Variants in SIL1 observed in about 807,000 individuals in gnomAD.
SIL1 encodes nucleotide exchange factor SIL1.
In SIL1, 40 loss-of-function variants were observed where a neutral mutation model predicts 49.1. The observed-to-expected ratio is 0.81, with a 90% CI of 0.63 to 1.06. SIL1 has a LOEUF of 1.06. SIL1 is among the 50% of genes least tolerant of loss of function. The pLI, the probability that SIL1 is intolerant of heterozygous loss-of-function variation, is 0.00. For synonymous variants in SIL1, 253 were observed against 250.8 expected, an observed-to-expected ratio of 1.01 and a Z score of -0.08; for missense variants, 500 against 572.6, an observed-to-expected ratio of 0.87 and a Z score of 1.29.
chr5:139,153,287 G>C (rs548997869), intron 1 of SIL1, among the ~76,000 whole-genome samples: 1 of 152,038 alleles, frequency 6.6e-6, no homozygotes, highest in African/African-American at 2.4e-5. Flanking sequence ...CTTCCGCTTT[G>C]AGGCCTTCCC....
intron 7 of SIL1, among the ~76,000 whole-genome samples, chr5:138,983,588 G>A (rs1767581038): frequency 6.6e-6 from 1 of 151,608 alleles, no homozygotes. Context: ...GGGAGGCAGA[G>A]AAAGGACAGG....
At chr5:139,076,072 G>A (rs1769942921) in intron 3 of SIL1, among the ~76,000 whole-genome samples, 3 of 152,226 alleles carry the variant, frequency 2.0e-5, no homozygotes, top group Non-Finnish European at 2.9e-5. Flanking sequence ...GTTGCTTAAA[G>A]TGACATAAGG....
At chr5:139,127,191 A>G (rs575465796) in intron 2 of SIL1, among the ~76,000 whole-genome samples, 1 of 152,358 alleles carries the variant, frequency 6.6e-6, no homozygotes, top group Non-Finnish European at 1.5e-5. Context: ...GAAGGAGGAT[A>G]CAGAGATGGA....
intron 1 of SIL1, among the ~76,000 whole-genome samples, chr5:139,168,725 T>C (rs1033879451): frequency 2.6e-5 from 4 of 151,968 alleles, no homozygotes; most frequent in Admixed American, 1.3e-4. Context: ...GTAATCCCAG[T>C]ATAGGAGGCC....
At chr5:139,171,707 T>G (rs567854104) in intron 1 of SIL1, among the ~76,000 whole-genome samples, 12 of 106,096 alleles carry the variant, frequency 1.1e-4, no homozygotes, top group East Asian at 2.6e-4. Flanking sequence ...TAAAAAAAAA[T>G]AAAAAGAAAA....
At chr5:139,169,751 G>T (rs1339503529) in intron 1 of SIL1, among the ~76,000 whole-genome samples, 7 of 151,824 alleles carry the variant, frequency 4.6e-5, no homozygotes, top group Non-Finnish European at 1.0e-4. Context: ...AAAGTGCTGG[G>T]ATTACAGGCG....
rs67544778 is a variant in SIL1 at position 139,057,314 on chromosome 5, TA to T, written c.245-6269del. On this transcript the variant is annotated intron_variant, in intron 3 of 9. Coordinates refer to ENST00000394817, the MANE Select transcript of SIL1 (RefSeq NM_022464.5). ...GCGAGAAACACCCAAGAATGATCAA[TA>T]AAAAAAAAAAAAAGAAAAGAAAAGA... 2.2e-3 allele frequency among the ~76,000 whole-genome samples: 162 copies of T among 73,238 alleles called. 1 individual carries two copies. Among genetic ancestry groups the T allele is most frequent in the Non-Finnish European group, 1.9e-3 (68 of 35,712 alleles). 48.0% of individuals were successfully genotyped at this position (73,238 alleles called of 152,430 possible).
chr5:139,066,976 G>A (rs759479430), intron 3 of SIL1, among the ~76,000 whole-genome samples: 1 of 152,160 alleles, frequency 6.6e-6, no homozygotes, highest in Non-Finnish European at 1.5e-5. Flanking sequence ...TATAATACTT[G>A]CCAAGTTTTC....
intron 7 of SIL1, among the ~76,000 whole-genome samples, chr5:139,019,563 C>G (rs997833891): frequency 6.6e-5 from 10 of 152,154 alleles, no homozygotes; most frequent in Non-Finnish European, 1.5e-5. Context: ...TAAATGTTAA[C>G]ATGGTCTTAA....
intron 3 of SIL1, among the ~76,000 whole-genome samples, chr5:139,055,103 T>C (rs1769376807): frequency 6.6e-6 from 1 of 152,182 alleles, no homozygotes; most frequent in Non-Finnish European, 1.5e-5. Context: ...AAATAATGTC[T>C]GGATCCAGGA....
At chr5:139,010,470 G>C (rs1157969467) in intron 7 of SIL1, among the ~76,000 whole-genome samples, 1 of 152,310 alleles carries the variant, frequency 6.6e-6, no homozygotes, top group Non-Finnish European at 1.5e-5. Flanking sequence ...GCTCGTCAAA[G>C]TCATTCTCCA....
At chr5:138,991,425 A>C (rs1767758579) in intron 7 of SIL1, among the ~76,000 whole-genome samples, 1 of 152,246 alleles carries the variant, frequency 6.6e-6, no homozygotes, top group Non-Finnish European at 1.5e-5. Context: ...TGGATTGTCC[A>C]ATACAAGGAA....
intron 3 of SIL1, among the ~76,000 whole-genome samples, chr5:139,068,655 G>GAAAAAA (rs745799045): frequency 4.5e-4 from 29 of 64,696 alleles, no homozygotes; most frequent in East Asian, 1.6e-3. Flanking sequence ...GAATGAAAAG[G>GAAAAAA]AAAAAAAAAA....
At chr5:139,087,457 C>G (rs1311583427) in intron 3 of SIL1, among the ~76,000 whole-genome samples, 1 of 152,094 alleles carries the variant, frequency 6.6e-6, no homozygotes, top group Non-Finnish European at 1.5e-5. Context: ...GGCGGGAGAA[C>G]TGCTTGAGCC....
intron 4 of SIL1, among the ~76,000 whole-genome samples, chr5:139,048,981 T>C (rs1010345301): frequency 5.9e-5 from 9 of 152,202 alleles, no homozygotes; most frequent in Non-Finnish European, 7.4e-5. Flanking sequence ...TATCTCAATA[T>C]GAAGTAGAAT....
Position 139,162,698 on chromosome 5 carries a change from T to A in SIL1, c.-10-34845A>T, listed in dbSNP as rs185429852. On this transcript the variant is annotated intron_variant, in intron 1 of 9. Transcript: ENST00000394817. ...AGAACACATTCTCATTCACAGCTCA[T>A]TCATTCAACAAATGTTGTTTGATCA... Among the ~76,000 whole-genome samples the A allele has an allele frequency of 2.0e-5, 3 of 152,330 alleles. No individual in the cohort carries two copies. The East Asian group carries it at 5.8e-4, about 29-fold the overall frequency.
chr5:139,167,341 G>C (rs368976463), intron 1 of SIL1, among the ~76,000 whole-genome samples: 4 of 152,200 alleles, frequency 2.6e-5, no homozygotes, highest in Non-Finnish European at 5.9e-5. Context: ...ATTATCACAG[G>C]AAATGACAGT....
intron 3 of SIL1, among the ~76,000 whole-genome samples, chr5:139,084,692 C>A (rs1293047840): frequency 1.4e-5 from 2 of 139,106 alleles, no homozygotes; most frequent in East Asian, 2.1e-4. Flanking sequence ...CTAGATGACA[C>A]ATTAGTGGGT....
chr5:139,037,678 T>C (rs1252544649), intron 5 of SIL1, among the ~76,000 whole-genome samples: 1 of 152,238 alleles, frequency 6.6e-6, no homozygotes, highest in East Asian at 1.9e-4. Context: ...ATTGTTCAGT[T>C]CTATAATTCC....
Sources: gnomAD v4.1 joint callset for allele counts (sites outside exome capture counted in the v4.1 genomes callset) on GRCh38, gnomAD v4.1.1 for gene constraint, MANE v1.5 for transcripts, NCBI Gene and HGNC (gene_info 2026-07-23, HGNC 2026-07-21) for gene names.